The following AGBL4 variants were observed in gnomAD, a reference collection of about 807,000 sequenced individuals.
AGBL4 encodes cytosolic carboxypeptidase 6.
Under a neutral mutation model 66.4 loss-of-function variants are expected in AGBL4, and 58 were observed. That is an observed-to-expected ratio of 0.87 (90% CI 0.71 to 1.09). The LOEUF (loss-of-function observed/expected upper bound fraction) is 1.09. Among genes scored for constraint, AGBL4 ranks in the 50% least tolerant of loss-of-function variants. AGBL4 has a pLI of 0.00. For synonymous variants in AGBL4, 234 were observed against 222.9 expected, an observed-to-expected ratio of 1.05 and a Z score of -0.44; for missense variants, 579 against 631.0, an observed-to-expected ratio of 0.92 and a Z score of 0.88.
chr1:49,298,199 G>C (rs1264810407), intron 3 of AGBL4, among the ~76,000 whole-genome samples: 1 of 152,186 alleles, frequency 6.6e-6, no homozygotes, highest in Non-Finnish European at 1.5e-5. Flanking sequence ...CAAACAAGTG[G>C]GTTTTTATTT....
chr1:49,666,637 C>T (rs1429808290), intron 3 of AGBL4, among the ~76,000 whole-genome samples: 2 of 151,472 alleles, frequency 1.3e-5, no homozygotes, highest in Non-Finnish European at 2.9e-5. Context: ...GGTTTATATC[C>T]TTACATAATT....
At chr1:48,717,630 A>G (rs1188051600) in intron 6 of AGBL4, among the ~76,000 whole-genome samples, 3 of 152,140 alleles carry the variant, frequency 2.0e-5, no homozygotes, top group African/African-American at 7.2e-5. Flanking sequence ...GGGAAGGAGG[A>G]TTCAAGGTGA....
intron 2 of AGBL4, among the ~76,000 whole-genome samples, chr1:49,802,571 A>C (rs888632341): frequency 1.3e-5 from 2 of 152,216 alleles, no homozygotes; most frequent in African/African-American, 4.8e-5. Flanking sequence ...GTACTTCTGC[A>C]TACAAATGTT....
chr1:49,575,997 C>T (rs1375354790), intron 3 of AGBL4, among the ~76,000 whole-genome samples: 4 of 152,150 alleles, frequency 2.6e-5, no homozygotes, highest in African/African-American at 9.7e-5. Flanking sequence ...ATTGGTGAGA[C>T]ATTTGCATAC....
intron 1 of AGBL4, among the ~76,000 whole-genome samples, chr1:49,878,550 T>A (rs909588104): frequency 6.6e-6 from 1 of 152,160 alleles, no homozygotes; most frequent in Non-Finnish European, 1.5e-5. Flanking sequence ...TCTGTTCTTT[T>A]ACATTTGCTG....
rs1030645251 is a variant in AGBL4, at chr1:49,659,894, C to T, written c.282+37419G>A. ...AAATCACTCCTCAGCAAATGCAAGG[C>T]TACAGTAACCGAAACAGCACCAGTA... On this transcript the variant is annotated intron_variant, in intron 3 of 13. Coordinates refer to ENST00000371839, the MANE Select transcript of AGBL4 (RefSeq NM_032785.4). 1.2e-4 allele frequency among the ~76,000 whole-genome samples: 19 copies of T among 152,086 alleles called. No homozygotes were observed. In the East Asian group the frequency reaches 3.7e-3, roughly 29 times the overall value.
At chr1:48,590,235 T>C (rs1235500965) in intron 10 of AGBL4, among the ~76,000 whole-genome samples, 1 of 151,562 alleles carries the variant, frequency 6.6e-6, no homozygotes, top group African/African-American at 2.4e-5. Context: ...AGAAACCCCG[T>C]CTCTACTAAA....
intron 8 of AGBL4, among the ~76,000 whole-genome samples, chr1:48,647,231 A>G (rs567119622): frequency 6.6e-6 from 1 of 152,276 alleles, no homozygotes; most frequent in Non-Finnish European, 1.5e-5. Context: ...TGTACCACCC[A>G]TAGAGGTCCG....
At chr1:48,982,090 T>C (rs1477600462) in intron 5 of AGBL4, among the ~76,000 whole-genome samples, 2 of 152,106 alleles carry the variant, frequency 1.3e-5, no homozygotes, top group Non-Finnish European at 2.9e-5. Context: ...CAGAGAGGTG[T>C]GTTTGGGACC....
At chr1:48,798,044 G>T (rs960977530) in intron 6 of AGBL4, among the ~76,000 whole-genome samples, 6 of 152,070 alleles carry the variant, frequency 3.9e-5, no homozygotes, top group Non-Finnish European at 7.4e-5. Context: ...CTTCTTTAAG[G>T]ACTCTCCATA....
chr1:49,308,397 C>T (rs930918513), intron 3 of AGBL4, among the ~76,000 whole-genome samples: 1 of 151,918 alleles, frequency 6.6e-6, no homozygotes, highest in African/African-American at 2.4e-5. Context: ...ATAATTGATA[C>T]ATTTCACTGT....
intron 4 of AGBL4, among the ~76,000 whole-genome samples, chr1:49,204,960 T>C (rs912164555): frequency 9.2e-5 from 14 of 152,082 alleles, no homozygotes; most frequent in Admixed American, 8.5e-4. Flanking sequence ...TGATTGGCAG[T>C]TGTTGTCTCC....
At chr1:49,735,987 C>A (rs1649858121) in intron 2 of AGBL4, among the ~76,000 whole-genome samples, 1 of 151,794 alleles carries the variant, frequency 6.6e-6, no homozygotes, top group African/African-American at 2.4e-5. Flanking sequence ...AATCTCCAAT[C>A]TAGCAACAGA....
At chr1:49,601,537 G>T (rs970847294) in intron 3 of AGBL4, among the ~76,000 whole-genome samples, 2 of 152,034 alleles carry the variant, frequency 1.3e-5, no homozygotes, top group East Asian at 1.9e-4. Flanking sequence ...AGAGATCTCA[G>T]AAATACCACC....
At chr1:48,915,248 C>A (rs1048616801) in intron 5 of AGBL4, among the ~76,000 whole-genome samples, 1 of 152,190 alleles carries the variant, frequency 6.6e-6, no homozygotes, top group African/African-American at 2.4e-5. Flanking sequence ...TTGGAACATG[C>A]TATGGCTTTT....
intron 6 of AGBL4, among the ~76,000 whole-genome samples, chr1:48,799,739 T>A (rs1645767564): frequency 6.6e-6 from 1 of 152,194 alleles, no homozygotes; most frequent in Admixed American, 6.5e-5. Flanking sequence ...CTTTTTTGTG[T>A]CTATTGAGAT....
chr1:48,865,351 A>C (rs1400455924), intron 6 of AGBL4, among the ~76,000 whole-genome samples: 1 of 152,138 alleles, frequency 6.6e-6, no homozygotes, highest in Admixed American at 6.5e-5. Flanking sequence ...GCTACCACCT[A>C]GGGGGCTTCA....
In AGBL4 at chr1:49,084,024, T is replaced by C. The variant is rs568991692; in HGVS notation, c.378-38224A>G. Among the ~76,000 whole-genome samples, 5 of 152,274 alleles carry C rather than the reference T, an allele frequency of 3.3e-5. No individual in the cohort carries two copies. In the South Asian group the frequency reaches 1.0e-3, roughly 32 times the overall value. ...CACCTTTGCTCCAGTTCCCAACAAG[T>C]TCCTCATCTCCATCTGAGACCACCT... On this transcript the variant is annotated intron_variant, in intron 4 of 13. Transcript: ENST00000371839.
intron 5 of AGBL4, among the ~76,000 whole-genome samples, chr1:48,988,694 T>A (rs935198872): frequency 6.6e-6 from 1 of 152,136 alleles, no homozygotes; most frequent in African/African-American, 2.4e-5. Flanking sequence ...ATTTTCAGCA[T>A]CTCGATAAAG....
Sources: gnomAD v4.1 joint callset for allele counts (sites outside exome capture counted in the v4.1 genomes callset) on GRCh38, gnomAD v4.1.1 for gene constraint, MANE v1.5 for transcripts, NCBI Gene and HGNC (gene_info 2026-07-23, HGNC 2026-07-21) for gene names.